The following MIGA1 variants were observed in gnomAD, a reference collection of about 807,000 sequenced individuals.
MIGA1 encodes mitoguardin 1.
Under a neutral mutation model 82.0 loss-of-function variants are expected in MIGA1, and 58 were observed. That is an observed-to-expected ratio of 0.71 (90% CI 0.57 to 0.88). The LOEUF (loss-of-function observed/expected upper bound fraction) is 0.88, where lower values mean the gene tolerates loss of function less well. Ranked by LOEUF, MIGA1 falls within the 40% of genes least tolerant of loss-of-function variation. MIGA1 has a pLI of 0.00. For missense variants in MIGA1, 751 were observed against 749.1 expected, an observed-to-expected ratio of 1.00 and a Z score of -0.03; for synonymous variants, 249 against 253.6, an observed-to-expected ratio of 0.98 and a Z score of 0.17.
At chr1:77,806,823 A>T in intron 4 of MIGA1, 152 bp from the exon 5 acceptor site, 28 of 512,066 alleles carry the variant, frequency 5.5e-5, no homozygotes, top group East Asian at 1.7e-4. Context: ...TCTAAGTTTG[A>T]TTGATTATCA....
rs1337000266 is a variant in MIGA1 at position 77,866,516 on chromosome 1, G to A, written c.1563+125G>A. On this transcript the variant is annotated intron_variant, in intron 14 of 15. Transcript: ENST00000370791. ...GAGGGGTAGGAGGGACTGTCCCTCA[G>A]GCTAGATGAGTGACTTACTGGTAGT... 5 of 825,788 alleles carry A rather than the reference G, an allele frequency of 6.1e-6. No individual in the cohort carries two copies. In the Admixed American group the frequency reaches 1.0e-4, roughly 17 times the overall value. 51.2% of individuals were successfully genotyped at this position (825,788 alleles called of 1,614,324 possible).
chr1:77,787,926 C>T (rs1415458627), intron 2 of MIGA1, among the ~76,000 whole-genome samples: 3 of 151,674 alleles, frequency 2.0e-5, no homozygotes, highest in African/African-American at 7.3e-5. Context: ...AGCAATTCTC[C>T]TGCCTCAGCC....
chr1:77,854,733 T>G lies in MIGA1; in HGVS notation c.997-4205T>G, dbSNP rs148032448. 1.4e-3 allele frequency among the ~76,000 whole-genome samples: 206 copies of G among 152,286 alleles called. 1 individual carries two copies. The highest frequency in any genetic ancestry group is 4.9e-3 in the African/African-American group (205 of 41,578). On this transcript the variant is annotated intron_variant, in intron 8 of 15. Coordinates refer to ENST00000370791, the MANE Select transcript of MIGA1 (RefSeq NM_198549.4). ...GAATTGTCTATTCATGTCCTTAGCC[T>G]ACTTTTTGATGGGACTTTTTTTTTC... is the stretch of plus-strand genomic sequence containing the variant.
chr1:77,858,785 A>AT (rs926902049), intron 8 of MIGA1, among the ~76,000 whole-genome samples, 153 bp from the exon 9 acceptor site: 17 of 152,160 alleles, frequency 1.1e-4, no homozygotes, highest in Admixed American at 3.3e-4. Context: ...CACCTGACTA[A>AT]TTTTTTTAGA....
chr1:77,844,133 T>TAG (rs1557924346), intron 8 of MIGA1, among the ~76,000 whole-genome samples: 6 of 113,074 alleles, frequency 5.3e-5, no homozygotes, highest in African/African-American at 2.1e-4. Flanking sequence ...TATATATATA[T>TAG]ATATAGATAG....
At chr1:77,830,752 G>C (rs564277412) in intron 7 of MIGA1, among the ~76,000 whole-genome samples, 1 of 152,048 alleles carries the variant, frequency 6.6e-6, no homozygotes, top group African/African-American at 2.4e-5. Flanking sequence ...AGGTAAAGGA[G>C]CATTAATGGC....
chr1:77,840,095 T>A (rs1027741030), intron 7 of MIGA1, among the ~76,000 whole-genome samples: 11 of 152,190 alleles, frequency 7.2e-5, no homozygotes, highest in African/African-American at 2.7e-4. Flanking sequence ...TGAAAGCAGT[T>A]AGTTTGGGAT....
At chr1:77,845,319 G>A (rs1557925096) in intron 8 of MIGA1, among the ~76,000 whole-genome samples, 2 of 151,934 alleles carry the variant, frequency 1.3e-5, no homozygotes, top group Admixed American at 1.3e-4. Flanking sequence ...TTTCTATTCT[G>A]TAGATACTAT....
intron 2 of MIGA1, among the ~76,000 whole-genome samples, chr1:77,800,188 T>A (rs1411369413): frequency 6.6e-6 from 1 of 152,168 alleles, no homozygotes; most frequent in Non-Finnish European, 1.5e-5. Flanking sequence ...ACTCTTTCAG[T>A]ATTTTCTACG....
chr1:77,818,773 C>G (rs1334316657), intron 7 of MIGA1, among the ~76,000 whole-genome samples: 1 of 151,952 alleles, frequency 6.6e-6, no homozygotes, highest in African/African-American at 2.4e-5. Context: ...AGAGGAAACT[C>G]TAGATAAAAA....
chr1:77,865,097 C>G (rs964240393), intron 13 of MIGA1, among the ~76,000 whole-genome samples: 1 of 151,010 alleles, frequency 6.6e-6, no homozygotes, highest in East Asian at 1.9e-4. Context: ...TGACCTTGAT[C>G]AAAGCTGGGT....
At chr1:77,865,365 C>G (rs570338624) in intron 13 of MIGA1, among the ~76,000 whole-genome samples, 1 of 152,126 alleles carries the variant, frequency 6.6e-6, no homozygotes, top group African/African-American at 2.4e-5. Flanking sequence ...CCGAAGCAGG[C>G]CGATTACTTG....
intron 8 of MIGA1, among the ~76,000 whole-genome samples, chr1:77,846,083 A>G (rs1327590565): frequency 6.6e-6 from 1 of 151,938 alleles, no homozygotes; most frequent in African/African-American, 2.4e-5. Context: ...TTCTAATTTC[A>G]GAACATTTTT....
intron 10 of MIGA1, 148 bp from the exon 11 acceptor site, chr1:77,859,892 A>G: frequency 1.8e-6 from 1 of 570,202 alleles, no homozygotes; most frequent in Non-Finnish European, 3.1e-6. Context: ...TTATTTTAGT[A>G]AATTAGGACT....
chr1:77,801,573 T>C (rs1682886828), intron 3 of MIGA1, 65 bp downstream of exon 3: 1 of 1,422,400 alleles, frequency 7.0e-7, no homozygotes, highest in Admixed American at 2.8e-5. Context: ...TACAGTGATT[T>C]TGGTCTTTTA....
intron 14 of MIGA1, among the ~76,000 whole-genome samples, chr1:77,872,362 A>G (rs1033769112): frequency 6.6e-6 from 1 of 152,148 alleles, no homozygotes; most frequent in African/African-American, 2.4e-5. Flanking sequence ...GCACTTTGGG[A>G]GGCAAAGTAG....
chr1:77,855,082 GA>G (rs1225258117), intron 8 of MIGA1, among the ~76,000 whole-genome samples: 1 of 152,160 alleles, frequency 6.6e-6, no homozygotes, highest in Admixed American at 6.5e-5. Flanking sequence ...TAAGATGAGA[GA>G]TAAGGATCCA....
intron 8 of MIGA1, chr1:77,847,661 G>A: frequency 6.4e-7 from 1 of 1,568,270 alleles, no homozygotes; most frequent in South Asian, 1.1e-5. Context: ...ATGTAACCAA[G>A]CAGAAAGATC....
intron 4 of MIGA1, 119 bp from the exon 5 acceptor site, chr1:77,806,856 A>T: frequency 1.5e-6 from 1 of 659,038 alleles, no homozygotes; most frequent in Non-Finnish European, 2.5e-6. Context: ...CTTCATGTGG[A>T]AATTACATGG....
Sources: allele counts gnomAD v4.1 joint callset (sites outside exome capture counted in the v4.1 genomes callset), GRCh38; gene constraint gnomAD v4.1.1; transcripts MANE v1.5; gene names NCBI Gene and HGNC (gene_info 2026-07-23, HGNC 2026-07-21).